The following GPR141 variants were observed in gnomAD, a reference collection of about 807,000 sequenced individuals.
GPR141 encodes the protein probable G protein-coupled receptor 141.
GPR141 carries 6 observed loss-of-function variants against 6.8 expected under a neutral mutation model. The ratio of observed to expected loss-of-function variants is 0.88; its 90% confidence interval spans 0.48 to 1.74. GPR141 has a LOEUF of 1.74. Among genes scored for constraint, GPR141 ranks in the 40% most tolerant of loss-of-function variants. The pLI is 0.01. For missense variants in GPR141, 372 were observed against 372.9 expected, an observed-to-expected ratio of 1.00 and a Z score of 0.02; for synonymous variants, 140 against 142.3, an observed-to-expected ratio of 0.98 and a Z score of 0.11.
At position 37,741,487 on chromosome 7, in the gene GPR141, C is replaced by CT; in HGVS notation, c.*177dup. 1.8e-6 allele frequency: 1 copy of CT among 553,296 alleles called. No homozygotes were observed. The highest frequency in any genetic ancestry group is 3.0e-5 in the East Asian group (1 of 33,842). The allele number at this position is 553,296 out of a possible 1,614,324, so 34.3% of individuals were successfully genotyped here. On this transcript the variant is annotated 3_prime_UTR_variant, in exon 3 of 3. Transcript: ENST00000334425. ...AGTCCTTATGGGATCCCTCCCATCT[C>CT]TGAGTGATGGCCGTACAAAGACCAG...
At chr7:37,740,106 T>C (rs927002609) in intron 2 of GPR141, among the ~76,000 whole-genome samples, 1 of 152,198 alleles carries the variant, frequency 6.6e-6, no homozygotes, top group Non-Finnish European at 1.5e-5. Flanking sequence ...TGAAGTTTTA[T>C]GTAAATTGTC....
At chr7:37,734,744 A>G (rs557454290) in intron 2 of GPR141, among the ~76,000 whole-genome samples, 1 of 152,198 alleles carries the variant, frequency 6.6e-6, no homozygotes, top group Non-Finnish European at 1.5e-5. Context: ...GTCAGAGAAA[A>G]CTTCCCTAAA....
intron 2 of GPR141, among the ~76,000 whole-genome samples, chr7:37,722,333 G>T (rs1811371278): frequency 6.6e-6 from 1 of 152,004 alleles, no homozygotes; most frequent in Non-Finnish European, 1.5e-5. Flanking sequence ...GCTTGCATCT[G>T]CAGTCCCAGC....
Position 37,731,201 on chromosome 7 carries a change from A to T in GPR141, c.-14-9179A>T, listed in dbSNP as rs985813870. Among the ~76,000 whole-genome samples, 5 of 152,230 alleles carry T rather than the reference A, an allele frequency of 3.3e-5. No individual in the cohort carries two copies. The South Asian group carries it at 1.0e-3, about 32-fold the overall frequency. On this transcript the variant is annotated intron_variant, in intron 2 of 2. Coordinates refer to ENST00000334425, the MANE Select transcript of GPR141 (RefSeq NM_001381946.1). The stretch of plus-strand genomic sequence containing the variant: ...AATTCAGTTCTTTAATGTAATACTG[A>T]TAAAATCATGTTATTGATCCTGCAT...
chr7:37,685,776 T>TA (rs1165934574), intron 2 of GPR141, among the ~76,000 whole-genome samples, 193 bp downstream of exon 2: 4 of 136,148 alleles, frequency 2.9e-5, no homozygotes, highest in African/African-American at 8.8e-5. Context: ...TTTTTTTTTT[T>TA]AAATAAGAAA....
intron 2 of GPR141, among the ~76,000 whole-genome samples, chr7:37,710,346 C>T (rs955334246): frequency 6.6e-6 from 1 of 152,142 alleles, no homozygotes; most frequent in African/African-American, 2.4e-5. Context: ...AGACTCCATG[C>T]AAGGCTGCCC....
intron 2 of GPR141, among the ~76,000 whole-genome samples, chr7:37,723,086 G>A (rs186861880): frequency 1.3e-5 from 2 of 151,312 alleles, no homozygotes; most frequent in Admixed American, 1.3e-4. Context: ...TCTGCCTCCT[G>A]GGTTCAAGTG....
intron 2 of GPR141, 77 bp downstream of exon 2, chr7:37,685,660 G>A (rs1242993099): frequency 6.6e-6 from 1 of 151,194 alleles, no homozygotes; most frequent in Non-Finnish European, 1.5e-5. Context: ...TGTTGCCCAG[G>A]TTAGTCTCAA....
intron 2 of GPR141, among the ~76,000 whole-genome samples, chr7:37,704,503 A>G (rs905852865): frequency 6.6e-6 from 1 of 152,130 alleles, no homozygotes; most frequent in Middle Eastern, 3.2e-3. Context: ...GTGAGAACTC[A>G]CTCACTATCA....
chr7:37,740,007 A>G (rs541803767), intron 2 of GPR141, among the ~76,000 whole-genome samples: 215 of 152,278 alleles, frequency 1.4e-3, no homozygotes, highest in Middle Eastern at 3.4e-3. Flanking sequence ...TCATGAATCC[A>G]TCGATCTTTC....
intron 2 of GPR141, among the ~76,000 whole-genome samples, chr7:37,716,387 G>C (rs1191364613): frequency 2.6e-5 from 4 of 152,138 alleles, no homozygotes; most frequent in African/African-American, 9.7e-5. Flanking sequence ...ATTTTCAAAG[G>C]GGGTGAAAGA....
chr7:37,686,536 G>C (rs1187852609), intron 2 of GPR141, among the ~76,000 whole-genome samples: 2 of 151,528 alleles, frequency 1.3e-5, no homozygotes, highest in African/African-American at 2.4e-5. Context: ...CTTAAGGGCA[G>C]GAACTATGCC....
intron 2 of GPR141, among the ~76,000 whole-genome samples, chr7:37,691,476 T>C (rs946506071): frequency 6.6e-6 from 1 of 152,074 alleles, no homozygotes; most frequent in African/African-American, 2.4e-5. Flanking sequence ...TTACTCCTGT[T>C]ATTTTGTTAA....
At chr7:37,722,175 C>A (rs1351294716) in intron 2 of GPR141, among the ~76,000 whole-genome samples, 5 of 152,170 alleles carry the variant, frequency 3.3e-5, no homozygotes, top group Admixed American at 3.3e-4. Context: ...ACACTAAATT[C>A]ACAAAAGTGA....
chr7:37,732,329 TAG>T (rs1415700004), intron 2 of GPR141, among the ~76,000 whole-genome samples: 1 of 151,230 alleles, frequency 6.6e-6, no homozygotes, highest in Non-Finnish European at 1.5e-5. Flanking sequence ...TTACCTAGGC[TAG>T]AGTCAGAGCC....
rs530968049 is a variant in GPR141 at position 37,742,943 on chromosome 7, G to A, written c.*1632G>A. ...AAATTGTATTAATAACTTGTGGCAT[G>A]TGGCACGTTAAACTGATTTTATTTC... On this transcript the variant is annotated 3_prime_UTR_variant, in exon 3 of 3. Coordinates refer to ENST00000334425, the MANE Select transcript of GPR141 (RefSeq NM_001381946.1). 2.1e-3 allele frequency among the ~76,000 whole-genome samples: 314 copies of A among 152,238 alleles called. 1 individual carries two copies. The highest frequency in any genetic ancestry group is 7.5e-3 in the African/African-American group (310 of 41,542).
chr7:37,725,236 A>C (rs1344093669), intron 2 of GPR141, among the ~76,000 whole-genome samples: 1 of 152,204 alleles, frequency 6.6e-6, no homozygotes, highest in African/African-American at 2.4e-5. Flanking sequence ...TGTTATGAAG[A>C]ACATGGCTTG....
intron 2 of GPR141, among the ~76,000 whole-genome samples, chr7:37,698,937 C>T (rs571209531): frequency 2.0e-4 from 30 of 152,180 alleles, no homozygotes; most frequent in Non-Finnish European, 3.5e-4. Flanking sequence ...GAGAATGTCA[C>T]AAGTATCTTA....
chr7:37,726,728 T>C (rs1811649304), intron 2 of GPR141, among the ~76,000 whole-genome samples: 1 of 152,230 alleles, frequency 6.6e-6, no homozygotes, highest in Non-Finnish European at 1.5e-5. Flanking sequence ...TATTCTCTTA[T>C]ACAACCACAT....
Sources: allele counts gnomAD v4.1 joint callset (sites outside exome capture counted in the v4.1 genomes callset), GRCh38; gene constraint gnomAD v4.1.1; transcripts MANE v1.5; gene names NCBI Gene and HGNC (gene_info 2026-07-23, HGNC 2026-07-21).